GRAMD1B: variants seen among roughly 807,000 people sequenced by gnomAD.
GRAMD1B encodes protein Aster-B.
In GRAMD1B, 37 loss-of-function variants were observed where a neutral mutation model predicts 99.7. The observed-to-expected ratio is 0.37, with a 90% CI of 0.29 to 0.49. The LOEUF (loss-of-function observed/expected upper bound fraction) is 0.49. Ranked by LOEUF, GRAMD1B falls within the 20% of genes least tolerant of loss-of-function variation. GRAMD1B has a pLI of 0.98. For synonymous variants in GRAMD1B, 427 were observed against 387.6 expected, an observed-to-expected ratio of 1.10 and a Z score of -1.19; for missense variants, 888 against 1,009.2, an observed-to-expected ratio of 0.88 and a Z score of 1.63.
At chr11:123,424,765 C>A (rs965690363) in intron 1 of GRAMD1B, among the ~76,000 whole-genome samples, 3 of 152,148 alleles carry the variant, frequency 2.0e-5, no homozygotes, top group Admixed American at 1.3e-4. Context: ...CCAGTCACAC[C>A]TCTTGTGCAC....
rs755313648 is a variant in GRAMD1B at position 123,526,145 on chromosome 11, A to T, written c.452+45252A>T. 6.8e-6 allele frequency: 11 copies of T among 1,612,806 alleles called. No homozygotes were observed. The Admixed American group carries it at 1.7e-4, about 24-fold the overall frequency. On this transcript the variant is annotated intron_variant, in intron 2 of 19. Coordinates refer to ENST00000635736, the MANE Select transcript of GRAMD1B (RefSeq NM_001387025.1). The stretch of plus-strand genomic sequence containing the variant: ...ACGGTCAGTGGATTATCGTGACTGT[A>T]CTAATGAAAGGATTCAAGCTCTCCT...
chr11:123,552,400 C>T (rs1287942887), intron 2 of GRAMD1B, among the ~76,000 whole-genome samples: 1 of 151,534 alleles, frequency 6.6e-6, no homozygotes, highest in Non-Finnish European at 1.5e-5. Flanking sequence ...TCAGCCTCCC[C>T]AGTAGCTGGG....
intron 3 of GRAMD1B, 52 bp from the exon 4 acceptor site, chr11:123,584,260 C>A: frequency 1.1e-6 from 1 of 876,252 alleles, no homozygotes; most frequent in Non-Finnish European, 1.7e-6. Context: ...TGGCCCTTCC[C>A]CCCATTTCTT....
intron 2 of GRAMD1B, among the ~76,000 whole-genome samples, chr11:123,531,111 A>G (rs372275331): frequency 3.3e-5 from 5 of 152,322 alleles, no homozygotes; most frequent in East Asian, 3.9e-4. Context: ...AAACTATTAA[A>G]TATTCATTTA....
intron 1 of GRAMD1B, among the ~76,000 whole-genome samples, chr11:123,471,954 C>T (rs1362570369): frequency 6.6e-6 from 1 of 152,052 alleles, no homozygotes; most frequent in African/African-American, 2.4e-5. Flanking sequence ...TATGTTCTTG[C>T]AATAAAATGG....
At chr11:123,601,513 TTATG>T (rs1480200316) in intron 8 of GRAMD1B, among the ~76,000 whole-genome samples, 1 of 102,218 alleles carries the variant, frequency 9.8e-6, no homozygotes, top group African/African-American at 4.0e-5. Flanking sequence ...GGATTAATTT[TTATG>T]TGTGTGTGTG....
chr11:123,458,719 A>G (rs1950274050), intron 1 of GRAMD1B: 1 of 147,036 alleles, frequency 6.8e-6, no homozygotes, highest in South Asian at 2.1e-4. Flanking sequence ...CCTCCTCTTC[A>G]TACTCCCCAA....
rs144739744 is a variant in GRAMD1B, at chr11:123,544,931, C to T, written c.453-32436C>T. On this transcript the variant is annotated intron_variant, in intron 2 of 19. Coordinates refer to ENST00000635736, the MANE Select transcript of GRAMD1B (RefSeq NM_001387025.1). Reference sequence around the variant, plus strand: ...GGGTTTGAAGAGGCCATTGTTCTGGCGATGGGAGATAGGGGCCAGACCGCC... The same window carrying T: ...GGGTTTGAAGAGGCCATTGTTCTGGTGATGGGAGATAGGGGCCAGACCGCC... 2.8e-3 allele frequency among the ~76,000 whole-genome samples: 428 copies of T among 152,328 alleles called. 9 individuals are homozygous for T. The highest frequency in any genetic ancestry group is 1.3e-3 in the Non-Finnish European group (89 of 68,018).
intron 1 of GRAMD1B, among the ~76,000 whole-genome samples, chr11:123,371,674 C>G (rs557999993): frequency 1.4e-3 from 210 of 152,304 alleles, no homozygotes; most frequent in African/African-American, 5.0e-3. Context: ...AGTGTTGTCA[C>G]CAGGTGCCAG....
At chr11:123,512,494 A>G (rs939868424) in intron 2 of GRAMD1B, among the ~76,000 whole-genome samples, 4 of 152,184 alleles carry the variant, frequency 2.6e-5, no homozygotes, top group African/African-American at 9.7e-5. Flanking sequence ...CAGATTGCAC[A>G]TGATCTAAGC....
intron 1 of GRAMD1B, among the ~76,000 whole-genome samples, chr11:123,435,937 CTT>C (rs10647186): frequency 4.8e-4 from 46 of 95,716 alleles, no homozygotes; most frequent in East Asian, 9.8e-4. Context: ...GAAACTCATA[CTT>C]TTTTTTTTTT....
intron 1 of GRAMD1B, among the ~76,000 whole-genome samples, chr11:123,410,935 C>T (rs1337662373): frequency 1.3e-5 from 2 of 152,094 alleles, no homozygotes; most frequent in Non-Finnish European, 2.9e-5. Flanking sequence ...ATGGATGAAA[C>T]CCCCAAAGTG....
At chr11:123,594,870 C>A in intron 6 of GRAMD1B, 32 bp downstream of exon 6, 1 of 1,145,368 alleles carries the variant, frequency 8.7e-7, no homozygotes, top group Non-Finnish European at 1.3e-6. Flanking sequence ...CTTGGGCTGT[C>A]TCCTTGGCTA....
chr11:123,445,622 C>T (rs1368278952), intron 1 of GRAMD1B, among the ~76,000 whole-genome samples: 1 of 151,972 alleles, frequency 6.6e-6, no homozygotes, highest in Admixed American at 6.6e-5. Context: ...TTGAGACCAG[C>T]CTGGCCAACA....
chr11:123,441,410 A>G (rs1355998391), intron 1 of GRAMD1B, among the ~76,000 whole-genome samples: 1 of 152,018 alleles, frequency 6.6e-6, no homozygotes, highest in African/African-American at 2.4e-5. Context: ...GGCTGAGGCA[A>G]GAGGATTGCC....
chr11:123,457,044 C>G (rs534170881), intron 1 of GRAMD1B, among the ~76,000 whole-genome samples: 3 of 149,326 alleles, frequency 2.0e-5, no homozygotes, highest in Admixed American at 6.8e-5. Context: ...CCCAGGAGGT[C>G]AAGGCTGCAG....
chr11:123,541,710 T>G (rs1944551361), intron 2 of GRAMD1B, among the ~76,000 whole-genome samples: 1 of 152,186 alleles, frequency 6.6e-6, no homozygotes, highest in Admixed American at 6.5e-5. Flanking sequence ...ATAAGTTTGT[T>G]GGTTTGTTTG....
intron 2 of GRAMD1B, among the ~76,000 whole-genome samples, chr11:123,548,341 C>CATAT (rs1177104031): frequency 1.2e-4 from 14 of 114,816 alleles, no homozygotes; most frequent in African/African-American, 5.5e-4. Context: ...CACACACACA[C>CATAT]ACACACACAT....
intron 2 of GRAMD1B, among the ~76,000 whole-genome samples, chr11:123,489,395 A>T (rs921485294): frequency 6.6e-6 from 1 of 152,216 alleles, no homozygotes; most frequent in African/African-American, 2.4e-5. Flanking sequence ...ACTATGGAAG[A>T]GCACAGCAAT....
Sources: gnomAD v4.1 joint callset for allele counts (sites outside exome capture counted in the v4.1 genomes callset) on GRCh38, gnomAD v4.1.1 for gene constraint, MANE v1.5 for transcripts, NCBI Gene and HGNC (gene_info 2026-07-23, HGNC 2026-07-21) for gene names.